TTC27: variants seen among roughly 807,000 people sequenced by gnomAD.
TTC27 encodes the protein tetratricopeptide repeat domain 27.
In TTC27, 79 loss-of-function variants were observed where a neutral mutation model predicts 115.9. That is an observed-to-expected ratio of 0.68 (90% CI 0.57 to 0.82). TTC27 has a LOEUF of 0.82. Ranked by LOEUF, TTC27 falls within the 40% of genes least tolerant of loss-of-function variation. TTC27 has a pLI of 0.00. For missense variants in TTC27, 1,054 were observed against 993.1 expected (o/e 1.06, Z -0.82); for synonymous variants, 401 against 356.0 (o/e 1.13, Z -1.42).
chr2:32,731,851 T>A (rs541921294), intron 10 of TTC27, among the ~76,000 whole-genome samples: 1 of 152,312 alleles, frequency 6.6e-6, no homozygotes, highest in South Asian at 2.1e-4. Context: ...TGAGAGTATC[T>A]GAAATACATA....
intron 16 of TTC27, among the ~76,000 whole-genome samples, chr2:32,806,052 A>C (rs1474736222): frequency 6.6e-6 from 1 of 152,190 alleles, no homozygotes; most frequent in Non-Finnish European, 1.5e-5. Context: ...CCCTGTGGCT[A>C]TATCTTGGGT....
chr2:32,728,089 G>A (rs886673915), intron 10 of TTC27, among the ~76,000 whole-genome samples: 8 of 145,372 alleles, frequency 5.5e-5, no homozygotes, highest in Non-Finnish European at 1.5e-5. Context: ...CGCCCAGGCT[G>A]GAGTGCAGTG....
chr2:32,677,394 G>A (rs1448279745), intron 8 of TTC27, among the ~76,000 whole-genome samples: 2 of 151,876 alleles, frequency 1.3e-5, no homozygotes, highest in Non-Finnish European at 1.5e-5. Flanking sequence ...TCTCTATCTA[G>A]GATGGAAGTA....
intron 13 of TTC27, among the ~76,000 whole-genome samples, chr2:32,771,651 C>G (rs561317762): frequency 1.6e-4 from 25 of 152,172 alleles, no homozygotes; most frequent in Admixed American, 1.6e-3. Context: ...TTTATATTTC[C>G]TCATGGAAGG....
intron 8 of TTC27, among the ~76,000 whole-genome samples, chr2:32,676,552 C>T (rs1235276055): frequency 7.1e-6 from 1 of 140,262 alleles, no homozygotes; most frequent in African/African-American, 2.7e-5. Flanking sequence ...AGTGCAGTGG[C>T]ACGATCTTGG....
intron 9 of TTC27, among the ~76,000 whole-genome samples, chr2:32,687,552 C>T (rs1392370700): frequency 6.6e-6 from 1 of 152,024 alleles, no homozygotes; most frequent in Non-Finnish European, 1.5e-5. Flanking sequence ...TATATGCTTC[C>T]TAGAAGAGAT....
intron 10 of TTC27, among the ~76,000 whole-genome samples, chr2:32,708,301 C>CTTTTTTTTTTTTTTTTT (rs1159740039): frequency 5.0e-5 from 4 of 80,252 alleles, no homozygotes; most frequent in Non-Finnish European, 1.0e-4. Context: ...TTTTCTCTAC[C>CTTTTTTTTTTTTTTTTT]TTGTTTTTTT....
chr2:32,651,050 A>AGG (rs1157779907), intron 5 of TTC27, among the ~76,000 whole-genome samples: 1 of 152,170 alleles, frequency 6.6e-6, no homozygotes, highest in Admixed American at 6.5e-5. Flanking sequence ...CTTGTGGTGA[A>AGG]GGAATATGTG....
At chr2:32,772,320 C>G (rs1558336089) in intron 13 of TTC27, among the ~76,000 whole-genome samples, 1 of 152,168 alleles carries the variant, frequency 6.6e-6, no homozygotes, top group Non-Finnish European at 1.5e-5. Context: ...TCCTCTAGAT[C>G]TCTTTTGAAC....
intron 16 of TTC27, among the ~76,000 whole-genome samples, chr2:32,794,167 A>G (rs1670627029): frequency 6.6e-6 from 1 of 152,212 alleles, no homozygotes; most frequent in Admixed American, 6.5e-5. Context: ...CCAAGTGCAC[A>G]TGGGACATTA....
rs749000091 is a variant in TTC27, at chr2:32,640,260, C to CT, written c.397-4dup. 1.9e-6 allele frequency: 3 copies of CT among 1,606,634 alleles called. No individual in the cohort carries two copies. The highest frequency in any genetic ancestry group is 1.7e-5 in the Admixed American group (1 of 58,558). On this transcript the variant is annotated splice_polypyrimidine_tract_variant and intron_variant, in intron 3 of 19. Transcript: ENST00000317907. ...AATTATATCATCTTAGTTTATAATC[C>CT]TTTTTTCAGGTTAAAGGACTGGATG... is the stretch of plus-strand genomic sequence containing the variant.
intron 13 of TTC27, among the ~76,000 whole-genome samples, chr2:32,763,147 T>A (rs1197734399): frequency 6.6e-6 from 1 of 152,252 alleles, no homozygotes; most frequent in Non-Finnish European, 1.5e-5. Flanking sequence ...GAAAATATTT[T>A]GGAGCTTCTC....
intron 8 of TTC27, among the ~76,000 whole-genome samples, chr2:32,678,516 C>A (rs1366965150): frequency 6.6e-6 from 1 of 152,028 alleles, no homozygotes; most frequent in Non-Finnish European, 1.5e-5. Context: ...CAAGCTCCGC[C>A]TCCCGGGTTC....
chr2:32,755,302 T>C (rs1669188581), intron 12 of TTC27, among the ~76,000 whole-genome samples: 1 of 152,144 alleles, frequency 6.6e-6, no homozygotes, highest in Admixed American at 6.5e-5. Flanking sequence ...CATTGAGCAC[T>C]GAGTGAATGA....
chr2:32,712,731 G>C (rs1667623955), intron 10 of TTC27, among the ~76,000 whole-genome samples: 2 of 151,784 alleles, frequency 1.3e-5, no homozygotes, highest in South Asian at 4.2e-4. Flanking sequence ...ATTTTTTATA[G>C]AGACAAGGTT....
intron 13 of TTC27, among the ~76,000 whole-genome samples, chr2:32,765,914 G>C (rs973317522): frequency 9.9e-5 from 15 of 152,134 alleles, no homozygotes; most frequent in African/African-American, 3.1e-4. Context: ...CTCTGAATTA[G>C]GCTTTGACTG....
At chr2:32,672,658 G>A (rs1572501069) in intron 8 of TTC27, among the ~76,000 whole-genome samples, 1 of 152,286 alleles carries the variant, frequency 6.6e-6, no homozygotes, top group South Asian at 2.1e-4. Context: ...AAATATTAAA[G>A]ACAAATGAGA....
chr2:32,804,814 T>C (rs994353719), intron 16 of TTC27, among the ~76,000 whole-genome samples: 1 of 151,910 alleles, frequency 6.6e-6, no homozygotes, highest in Non-Finnish European at 1.5e-5. Flanking sequence ...TTTATTCTAA[T>C]GTTAGTAGTG....
At chr2:32,628,420 A>G in intron 1 of TTC27, 40 bp downstream of exon 1, 1 of 1,506,428 alleles carries the variant, frequency 6.6e-7, no homozygotes, top group Non-Finnish European at 8.9e-7. Flanking sequence ...TATCGTGGGA[A>G]CTGTGAGGAA....
Sources: allele counts gnomAD v4.1 joint callset (sites outside exome capture counted in the v4.1 genomes callset), GRCh38; gene constraint gnomAD v4.1.1; transcripts MANE v1.5; gene names NCBI Gene and HGNC (gene_info 2026-07-23, HGNC 2026-07-21).